EHBP1: variants seen among roughly 807,000 people sequenced by gnomAD.
EHBP1 encodes the protein EH domain-binding protein 1.
In EHBP1, 55 loss-of-function variants were observed where a neutral mutation model predicts 144.0. The ratio of observed to expected loss-of-function variants is 0.38; its 90% confidence interval spans 0.31 to 0.48. EHBP1 has a LOEUF of 0.48. Among genes scored for constraint, EHBP1 ranks in the 20% least tolerant of loss-of-function variants. The probability of loss-of-function intolerance (pLI) is 0.98; values close to 1 mark genes in which losing one functional copy is unlikely to be tolerated. For missense variants in EHBP1, 1,200 were observed against 1,364.2 expected, an observed-to-expected ratio of 0.88 and a Z score of 1.90; for synonymous variants, 469 against 472.7, an observed-to-expected ratio of 0.99 and a Z score of 0.10.
intron 8 of EHBP1, among the ~76,000 whole-genome samples, chr2:62,861,018 A>C (rs1419227858): frequency 6.6e-6 from 1 of 151,830 alleles, no homozygotes; most frequent in Non-Finnish European, 1.5e-5. Context: ...TGCAGCCTCA[A>C]AACAGAAGTA....
intron 7 of EHBP1, among the ~76,000 whole-genome samples, chr2:62,849,270 G>A (rs1370209508): frequency 6.6e-6 from 1 of 152,056 alleles, no homozygotes; most frequent in Admixed American, 6.6e-5. Flanking sequence ...TTGCTGAGAG[G>A]AACCCCAAAC....
At chr2:62,827,698 C>T (rs187127531) in intron 6 of EHBP1, among the ~76,000 whole-genome samples, 3 of 151,242 alleles carry the variant, frequency 2.0e-5, no homozygotes, top group East Asian at 1.9e-4. Context: ...GACAGAGTCT[C>T]GCTCTGTCAC....
chr2:62,750,943 T>G (rs552924245), intron 3 of EHBP1, among the ~76,000 whole-genome samples: 14 of 152,230 alleles, frequency 9.2e-5, no homozygotes, highest in South Asian at 4.1e-4. Flanking sequence ...GGGACAATTT[T>G]ACTTCCTCTT....
chr2:62,917,770 G>A (rs2054752397), intron 10 of EHBP1, among the ~76,000 whole-genome samples: 1 of 152,158 alleles, frequency 6.6e-6, no homozygotes, highest in Non-Finnish European at 1.5e-5. Flanking sequence ...AAAGCAGCCA[G>A]ACTTTTTCAT....
chr2:62,851,721 G>A (rs955892972), intron 7 of EHBP1, among the ~76,000 whole-genome samples: 1 of 152,100 alleles, frequency 6.6e-6, no homozygotes, highest in African/African-American at 2.4e-5. Context: ...AACCAAATAA[G>A]GGAAGCATTG....
intron 15 of EHBP1, among the ~76,000 whole-genome samples, chr2:62,981,906 T>C (rs1331437418): frequency 6.6e-6 from 1 of 152,188 alleles, no homozygotes; most frequent in Non-Finnish European, 1.5e-5. Flanking sequence ...GACCAGGGTC[T>C]ATTTTCCCCA....
intron 10 of EHBP1, among the ~76,000 whole-genome samples, chr2:62,919,803 A>C (rs1320025575): frequency 6.6e-6 from 1 of 152,172 alleles, no homozygotes; most frequent in Non-Finnish European, 1.5e-5. Context: ...ACCAAATGGA[A>C]ATATTAATAA....
intron 1 of EHBP1, among the ~76,000 whole-genome samples, chr2:62,694,839 C>T (rs533621425): frequency 6.6e-6 from 1 of 152,260 alleles, no homozygotes; most frequent in African/African-American, 2.4e-5. Context: ...ATCTTTATAG[C>T]AATCAGTCCC....
chr2:62,891,821 A>G (rs992753586), intron 10 of EHBP1, among the ~76,000 whole-genome samples: 1 of 152,124 alleles, frequency 6.6e-6, no homozygotes, highest in African/African-American at 2.4e-5. Context: ...TAAACTTCCA[A>G]TAATTAGCAT....
At chr2:62,951,188 A>C (rs944791530) in intron 13 of EHBP1, among the ~76,000 whole-genome samples, 1 of 152,200 alleles carries the variant, frequency 6.6e-6, no homozygotes, top group Non-Finnish European at 1.5e-5. Context: ...CCATCATGCC[A>C]ACTGAAATAT....
chr2:62,930,000 A>T (rs1023740487), intron 10 of EHBP1, among the ~76,000 whole-genome samples: 1 of 152,206 alleles, frequency 6.6e-6, no homozygotes, highest in Non-Finnish European at 1.5e-5. Flanking sequence ...TAATCCTAGC[A>T]CTTTGGGAGG....
intron 2 of EHBP1, among the ~76,000 whole-genome samples, chr2:62,709,703 TA>T (rs2034951408): frequency 6.6e-6 from 1 of 152,082 alleles, no homozygotes; most frequent in Non-Finnish European, 1.5e-5. Context: ...GATCTGGACT[TA>T]ATACCAGAAG....
chr2:62,844,374 A>T (rs1573668777), intron 7 of EHBP1, among the ~76,000 whole-genome samples: 1 of 152,220 alleles, frequency 6.6e-6, no homozygotes. Flanking sequence ...TTCTATAGAT[A>T]CATTTTACTG....
At chr2:62,692,125 CA>C (rs1350226343) in intron 1 of EHBP1, among the ~76,000 whole-genome samples, 1 of 152,182 alleles carries the variant, frequency 6.6e-6, no homozygotes, top group Non-Finnish European at 1.5e-5. Context: ...TAAAAGTAAT[CA>C]TACAATATGT....
chr2:62,688,291 G>A (rs2033785983), intron 1 of EHBP1, among the ~76,000 whole-genome samples: 1 of 152,124 alleles, frequency 6.6e-6, no homozygotes, highest in African/African-American at 2.4e-5. Context: ...CAGAAAGGGA[G>A]GGAATCAGTA....
chr2:62,955,847 G>T lies in EHBP1; in HGVS notation c.2460+187G>T. 2 of 504,452 alleles carry T rather than the reference G, an allele frequency of 4.0e-6. 1 individual carries two copies. Among genetic ancestry groups the T allele is most frequent in the South Asian group, 1.3e-4 (2 of 15,658 alleles). The allele number at this position is 504,452 out of a possible 1,614,324, so 31.2% of individuals were successfully genotyped here. On this transcript the variant is annotated intron_variant, in intron 14 of 22. Coordinates refer to ENST00000431489, the MANE Select transcript of EHBP1 (RefSeq NM_001142616.3). ...GGACCATTTGATCATTATTCCTACA[G>T]AGCAGTGTTAGTGATGAGGAAAAGT...
At chr2:62,935,350 T>A (rs1023097831) in intron 10 of EHBP1, among the ~76,000 whole-genome samples, 8 of 146,392 alleles carry the variant, frequency 5.5e-5, no homozygotes, top group African/African-American at 2.0e-4. Flanking sequence ...AAAAAATATA[T>A]ATATATATAT....
chr2:62,677,763 T>C lies in EHBP1; in HGVS notation c.-296+3680T>C, dbSNP rs563580035. Among the ~76,000 whole-genome samples, 11 of 152,320 alleles carry C rather than the reference T, an allele frequency of 7.2e-5. No homozygotes were observed. In the South Asian group the frequency reaches 2.3e-3, roughly 32 times the overall value. On this transcript the variant is annotated intron_variant, in intron 1 of 22. Coordinates refer to the EHBP1 transcript ENST00000405015. ...TTTGTGTTTCTGTTCCTGGCTTATT[T>C]CATTTAACATAATGACCTCCAGTTC... is the stretch of plus-strand genomic sequence containing the variant.
chr2:62,885,131 A>G (rs900212016), intron 10 of EHBP1, among the ~76,000 whole-genome samples: 1 of 152,244 alleles, frequency 6.6e-6, no homozygotes, highest in Non-Finnish European at 1.5e-5. Context: ...GGAGGTGGCA[A>G]AGTGTTCACT....
Sources: allele counts gnomAD v4.1 joint callset (sites outside exome capture counted in the v4.1 genomes callset), GRCh38; gene constraint gnomAD v4.1.1; transcripts MANE v1.5; gene names NCBI Gene and HGNC (gene_info 2026-07-23, HGNC 2026-07-21).